The following CNTN6 variants were observed in gnomAD, a reference collection of about 807,000 sequenced individuals.
The protein encoded by CNTN6 is contactin 6.
CNTN6 carries 137 observed loss-of-function variants against 122.8 expected under a neutral mutation model. That is an observed-to-expected ratio of 1.12 (90% CI 0.97 to 1.29). CNTN6 has a LOEUF of 1.29. Among genes scored for constraint, CNTN6 ranks in the 50% most tolerant of loss-of-function variants. The pLI is 0.00. For missense variants in CNTN6, 1,634 were observed against 1,223.4 expected (o/e 1.34, Z -5.01); for synonymous variants, 570 against 426.0 (o/e 1.34, Z -4.16).
At chr3:1,378,140 A>G (rs949721911) in intron 17 of CNTN6, among the ~76,000 whole-genome samples, 2 of 151,902 alleles carry the variant, frequency 1.3e-5, no homozygotes, top group Non-Finnish European at 2.9e-5. Flanking sequence ...TCCATGGATG[A>G]CCCACTTGCA....
chr3:1,377,923 C>G (rs1336965271), intron 17 of CNTN6, among the ~76,000 whole-genome samples: 1 of 152,044 alleles, frequency 6.6e-6, no homozygotes, highest in Non-Finnish European at 1.5e-5. Flanking sequence ...GGTAGGGTTT[C>G]TGCGTTTTTT....
intron 4 of CNTN6, among the ~76,000 whole-genome samples, chr3:1,275,609 T>C (rs768351181): frequency 1.8e-4 from 27 of 152,208 alleles, no homozygotes; most frequent in Non-Finnish European, 3.8e-4. Flanking sequence ...ATGGTGTATA[T>C]GCTTATAAAT....
intron 4 of CNTN6, among the ~76,000 whole-genome samples, chr3:1,237,245 A>G (rs1013278889): frequency 6.6e-6 from 1 of 152,068 alleles, no homozygotes; most frequent in African/African-American, 2.4e-5. Flanking sequence ...TGTAAAATGC[A>G]TTGGAAAGTC....
At chr3:1,287,852 C>CTTTCAG (rs1161332340) in intron 5 of CNTN6, among the ~76,000 whole-genome samples, 2 of 152,306 alleles carry the variant, frequency 1.3e-5, no homozygotes, top group Non-Finnish European at 2.9e-5. Flanking sequence ...CCTGGGAATT[C>CTTTCAG]TCCTCCTCTT....
At chr3:1,224,665 G>C (rs1038969946) in intron 3 of CNTN6, among the ~76,000 whole-genome samples, 7 of 151,962 alleles carry the variant, frequency 4.6e-5, no homozygotes, top group African/African-American at 1.7e-4. Flanking sequence ...ACAGGCACAA[G>C]CGCGCACACA....
intron 2 of CNTN6, among the ~76,000 whole-genome samples, chr3:1,168,855 G>A (rs1386539295): frequency 6.6e-6 from 1 of 152,172 alleles, no homozygotes; most frequent in Non-Finnish European, 1.5e-5. Flanking sequence ...TAACAACAGT[G>A]ATGCTAATAT....
intron 1 of CNTN6, among the ~76,000 whole-genome samples, chr3:1,119,129 G>A (rs2091849333): frequency 6.6e-6 from 1 of 151,812 alleles, no homozygotes; most frequent in Admixed American, 6.6e-5. Flanking sequence ...TTTACATTCT[G>A]TCTTCGAGAC....
At chr3:1,237,336 GACAA>G (rs2094434693) in intron 4 of CNTN6, among the ~76,000 whole-genome samples, 1 of 151,724 alleles carries the variant, frequency 6.6e-6, no homozygotes, top group South Asian at 2.1e-4. Flanking sequence ...GTCCATCAAA[GACAA>G]ACAATAATAA....
intron 2 of CNTN6, among the ~76,000 whole-genome samples, chr3:1,151,656 C>A (rs145342901): frequency 9.5e-4 from 144 of 152,274 alleles, no homozygotes; most frequent in African/African-American, 3.2e-3. Flanking sequence ...TGTTGACCTT[C>A]AACAATAGGT....
chr3:1,274,094 A>G (rs3772319), intron 4 of CNTN6, among the ~76,000 whole-genome samples: 35,709 of 152,024 alleles, frequency 0.23, 5,000 homozygotes, highest in African/African-American at 0.36. Flanking sequence ...CAATAGTAAG[A>G]AAAAAACCTT....
At chr3:1,108,426 A>C (rs904194173) in intron 1 of CNTN6, among the ~76,000 whole-genome samples, 1 of 151,994 alleles carries the variant, frequency 6.6e-6, no homozygotes, top group Non-Finnish European at 1.5e-5. Flanking sequence ...GCAGGAAACA[A>C]AGTTTTGACT....
intron 20 of CNTN6, among the ~76,000 whole-genome samples, chr3:1,393,611 A>G (rs995525777): frequency 3.3e-5 from 5 of 151,884 alleles, no homozygotes; most frequent in Admixed American, 3.3e-4. Flanking sequence ...TATCTCAAGC[A>G]AAATCAAGAG....
chr3:1,181,807 G>A (rs975508505), intron 2 of CNTN6, among the ~76,000 whole-genome samples: 3 of 152,082 alleles, frequency 2.0e-5, no homozygotes, highest in Non-Finnish European at 4.4e-5. Context: ...CAGTCAGGCT[G>A]ATTCTTTATA....
intron 11 of CNTN6, among the ~76,000 whole-genome samples, chr3:1,348,574 AATT>A (rs148332443): frequency 0.014 from 2,206 of 152,142 alleles, 60 homozygotes; most frequent in African/African-American, 0.05. Flanking sequence ...ATGCAAATAA[AATT>A]ATACATACAT....
rs369886465 is a variant in CNTN6 at position 1,377,060 on chromosome 3, C to T, written c.2151C>T (p.Leu717=). ...IHGGGGSRSE[L]VITWESIPEE... is the part of the protein sequence containing the mutation. ...GAGGTGGAGGAAGTCGGTCTGAACT[C>T]GTCATTACGTGGGAGGTAATTTTCT... Residue 717 remains leucine (L), a synonymous_variant, in exon 17 of 23, where the codon CTC becomes CTT. Transcript: ENST00000446702. The T allele has an allele frequency of 3.8e-6, 6 of 1,597,466 alleles. No homozygotes were observed. The African/African-American group carries it at 8.1e-5, about 21-fold the overall frequency.
intron 2 of CNTN6, among the ~76,000 whole-genome samples, chr3:1,190,129 T>C (rs548921230): frequency 3.3e-5 from 5 of 152,106 alleles, no homozygotes; most frequent in African/African-American, 1.2e-4. Context: ...CACTGCATCC[T>C]CACATGGCCT....
At chr3:1,194,110 G>A (rs1180802239) in intron 2 of CNTN6, among the ~76,000 whole-genome samples, 2 of 151,246 alleles carry the variant, frequency 1.3e-5, no homozygotes, top group Non-Finnish European at 1.5e-5. Flanking sequence ...CACAAATCCA[G>A]TAGAAATTAT....
At chr3:1,151,665 G>T (rs1036790119) in intron 2 of CNTN6, among the ~76,000 whole-genome samples, 1 of 152,126 alleles carries the variant, frequency 6.6e-6, no homozygotes, top group East Asian at 1.9e-4. Flanking sequence ...TCAACAATAG[G>T]TCCATAGTCC....
intron 12 of CNTN6, among the ~76,000 whole-genome samples, chr3:1,364,559 A>AATT (rs769945272): frequency 7.9e-5 from 12 of 151,938 alleles, no homozygotes; most frequent in Non-Finnish European, 1.5e-4. Flanking sequence ...AGGAAAGATG[A>AATT]ATTATACATT....
Sources: allele counts gnomAD v4.1 joint callset (sites outside exome capture counted in the v4.1 genomes callset), GRCh38; gene constraint gnomAD v4.1.1; transcripts MANE v1.5; gene names NCBI Gene and HGNC (gene_info 2026-07-23, HGNC 2026-07-21).